Variants in CADM1 observed in about 807,000 individuals in gnomAD.
CADM1 encodes the protein TSLC-1.
A neutral mutation model predicts 53.1 loss-of-function variants in CADM1; 15 were observed. That is an observed-to-expected ratio of 0.28 (90% CI 0.19 to 0.44). CADM1 has a LOEUF of 0.44. Ranked by LOEUF, CADM1 falls within the 20% of genes least tolerant of loss-of-function variation. The pLI, the probability that CADM1 is intolerant of heterozygous loss-of-function variation, is 1.00. For missense variants in CADM1, 434 were observed against 611.3 expected (o/e 0.71, Z 3.06); for synonymous variants, 281 against 243.0 (o/e 1.16, Z -1.45).
At chr11:115,463,449 A>C (rs1488690157) in intron 1 of CADM1, among the ~76,000 whole-genome samples, 1 of 152,182 alleles carries the variant, frequency 6.6e-6, no homozygotes, top group Admixed American at 6.5e-5. Context: ...CAAAGCAAAA[A>C]CTGATGTCAC....
chr11:115,412,949 GAAGC>G (rs1345089993), intron 1 of CADM1, among the ~76,000 whole-genome samples: 3 of 152,114 alleles, frequency 2.0e-5, no homozygotes, highest in African/African-American at 7.2e-5. Context: ...CCTAAAACCT[GAAGC>G]AAGTAATCAA....
At position 115,434,812 on chromosome 11, in the gene CADM1, C is replaced by T. The variant is rs180882119; in HGVS notation, c.124+69459G>A. 6.4e-3 allele frequency among the ~76,000 whole-genome samples: 966 copies of T among 150,914 alleles called. 13 individuals carry two copies. The highest frequency in any genetic ancestry group is 0.022 in the African/African-American group (893 of 41,162). ...AGGAGTTTTCCTGGAGAGTTGAATT[C>T]TGACAATTGTATCAGTTCTCTAAGT... On this transcript the variant is annotated intron_variant, in intron 1 of 11. Coordinates refer to ENST00000331581, the MANE Select transcript of CADM1 (RefSeq NM_001301043.2).
At chr11:115,438,828 A>G (rs1431534252) in intron 1 of CADM1, among the ~76,000 whole-genome samples, 3 of 152,212 alleles carry the variant, frequency 2.0e-5, no homozygotes, top group African/African-American at 7.2e-5. Flanking sequence ...GCATCCTCAA[A>G]TATATCACTG....
chr11:115,343,220 C>T (rs1402647192), intron 1 of CADM1, among the ~76,000 whole-genome samples: 1 of 152,070 alleles, frequency 6.6e-6, no homozygotes, highest in Non-Finnish European at 1.5e-5. Flanking sequence ...GGTCAAACAA[C>T]TAGTAAAAGA....
intron 1 of CADM1, among the ~76,000 whole-genome samples, chr11:115,386,775 A>G (rs1295265520): frequency 4.6e-5 from 7 of 152,186 alleles, no homozygotes; most frequent in Admixed American, 4.6e-4. Flanking sequence ...CATACTGGGA[A>G]TTAAGTTTCA....
chr11:115,320,277 G>A (rs974886029), intron 1 of CADM1, among the ~76,000 whole-genome samples: 12 of 151,980 alleles, frequency 7.9e-5, no homozygotes, highest in Non-Finnish European at 1.2e-4. Context: ...TGTCCAGGCT[G>A]GTCTGGAACT....
intron 1 of CADM1, among the ~76,000 whole-genome samples, chr11:115,489,117 CAA>C (rs1949438361): frequency 6.6e-6 from 1 of 152,194 alleles, no homozygotes; most frequent in African/African-American, 2.4e-5. Context: ...AGCAATGACT[CAA>C]AGTCTAGGTA....
At chr11:115,359,970 A>G (rs1466994567) in intron 1 of CADM1, among the ~76,000 whole-genome samples, 1 of 152,188 alleles carries the variant, frequency 6.6e-6, no homozygotes, top group East Asian at 1.9e-4. Context: ...ACATGTTGAG[A>G]GCCTTGAATA....
rs1219934296 is a variant in CADM1 at position 115,169,539 on chromosome 11, C to T, written c.*6935G>A. The T allele has an allele frequency of 2.2e-6, 1 of 452,750 alleles. No homozygotes were observed. The allele number at this position is 452,750 out of a possible 1,614,324, so 28.0% of individuals were successfully genotyped here. ...GTAATGGCATTTTCCCTTCCTTGTC[C>T]AAACGATAAAAGATTCATGTTCCTA... On this transcript the variant is annotated 3_prime_UTR_variant, in exon 12 of 12. Coordinates refer to ENST00000331581, the MANE Select transcript of CADM1 (RefSeq NM_001301043.2).
intron 3 of CADM1, among the ~76,000 whole-genome samples, chr11:115,234,315 G>A (rs1941934182): frequency 1.3e-5 from 2 of 152,218 alleles, no homozygotes; most frequent in Non-Finnish European, 1.5e-5. Context: ...CTGGTCCAAA[G>A]TAAGGAAATG....
chr11:115,258,661 T>G (rs1032047627), intron 1 of CADM1, among the ~76,000 whole-genome samples: 1 of 152,322 alleles, frequency 6.6e-6, no homozygotes, highest in African/African-American at 2.4e-5. Context: ...AAGCTAAAAC[T>G]CTACTTTTAT....
At chr11:115,256,692 G>A (rs188843642) in intron 1 of CADM1, 4 of 402,310 alleles carry the variant, frequency 9.9e-6, no homozygotes, top group East Asian at 7.4e-5. Context: ...CAGGGAGAGA[G>A]AGCCAGCAAC....
chr11:115,288,694 C>G (rs1943796080), intron 1 of CADM1, among the ~76,000 whole-genome samples: 1 of 152,174 alleles, frequency 6.6e-6, no homozygotes, highest in Non-Finnish European at 1.5e-5. Flanking sequence ...TATCATGGCA[C>G]TTATCATGCT....
At position 115,396,355 on chromosome 11, in the gene CADM1, A is replaced by G. The variant is rs1946996517; in HGVS notation, c.124+107916T>C. On this transcript the variant is annotated intron_variant, in intron 1 of 11. Transcript: ENST00000331581. ...TGTGCTACAGACATGGTTGTGCTTC[A>G]TTACTGTAGCATAGGATTAAAAACA... Among the ~76,000 whole-genome samples, 3 of 152,198 alleles carry G rather than the reference A, an allele frequency of 2.0e-5. No homozygotes were observed. The South Asian group carries it at 6.2e-4, about 32-fold the overall frequency.
chr11:115,224,303 T>A (rs1941519697), intron 5 of CADM1, among the ~76,000 whole-genome samples: 1 of 151,988 alleles, frequency 6.6e-6, no homozygotes, highest in Admixed American at 6.6e-5. Context: ...AAAAAAAATC[T>A]ACCCTTCTCT....
chr11:115,464,104 T>C (rs1030636174), intron 1 of CADM1, among the ~76,000 whole-genome samples: 7 of 152,186 alleles, frequency 4.6e-5, no homozygotes, highest in Non-Finnish European at 7.3e-5. Context: ...CCTTTTCCTT[T>C]ACATTGAACC....
chr11:115,393,348 A>G (rs909663482), intron 1 of CADM1, among the ~76,000 whole-genome samples: 3 of 151,676 alleles, frequency 2.0e-5, no homozygotes, highest in Non-Finnish European at 4.4e-5. Flanking sequence ...ACTTTTATGG[A>G]TTATCTTTTT....
At position 115,174,801 on chromosome 11, in the gene CADM1, T is replaced by G. The variant is rs948367982; in HGVS notation, c.*1673A>C. On this transcript the variant is annotated 3_prime_UTR_variant, in exon 12 of 12. Coordinates refer to ENST00000331581, the MANE Select transcript of CADM1 (RefSeq NM_001301043.2). ...GATGCCATCTTTCCATAGGGACTGTTAGCTGGAGTCTGGAGTCTTACCAAA... is the reference window on the plus strand; with the variant it reads ...GATGCCATCTTTCCATAGGGACTGTGAGCTGGAGTCTGGAGTCTTACCAAA... 2 of 963,272 alleles carry G rather than the reference T, an allele frequency of 2.1e-6. No homozygotes were observed. Among genetic ancestry groups the G allele is most frequent in the African/African-American group, 1.8e-5 (1 of 56,746 alleles). 59.7% of individuals were successfully genotyped at this position (963,272 alleles called of 1,614,324 possible). A position where few individuals can be genotyped will look rare whatever the true frequency, so the allele number is the denominator to read the frequency against.
At chr11:115,390,249 A>T (rs1345941054) in intron 1 of CADM1, among the ~76,000 whole-genome samples, 1 of 152,120 alleles carries the variant, frequency 6.6e-6, no homozygotes, top group East Asian at 1.9e-4. Flanking sequence ...CACATTTCTT[A>T]CCACTCCTGC....
Sources: allele counts gnomAD v4.1 joint callset (sites outside exome capture counted in the v4.1 genomes callset), GRCh38; gene constraint gnomAD v4.1.1; transcripts MANE v1.5; gene names NCBI Gene and HGNC (gene_info 2026-07-23, HGNC 2026-07-21).